Variants in MYH9 observed in about 807,000 individuals in gnomAD.
MYH9 encodes the protein myosin-9.
In MYH9, 29 loss-of-function variants were observed where a neutral mutation model predicts 241.9. That is an observed-to-expected ratio of 0.12 (90% CI 0.09 to 0.16). The LOEUF (loss-of-function observed/expected upper bound fraction) is 0.16, where lower values mean the gene tolerates loss of function less well. Among genes scored for constraint, MYH9 ranks in the 10% least tolerant of loss-of-function variants. The probability of loss-of-function intolerance (pLI) is 1.00; values close to 1 mark genes in which losing one functional copy is unlikely to be tolerated. For missense variants in MYH9, 1,803 were observed against 2,595.5 expected, an observed-to-expected ratio of 0.69 and a Z score of 6.63; for synonymous variants, 1,047 against 1,062.6, an observed-to-expected ratio of 0.99 and a Z score of 0.29.
At chr22:36,374,530 A>T (rs1411465116) in intron 1 of MYH9, among the ~76,000 whole-genome samples, 1 of 152,198 alleles carries the variant, frequency 6.6e-6, no homozygotes, top group Non-Finnish European at 1.5e-5. Context: ...AAATAATAAT[A>T]ATAAATAAAA....
At position 36,288,292 on chromosome 22, in the gene MYH9, T is replaced by C; in HGVS notation, c.4892A>G (p.Lys1631Arg). The C allele has an allele frequency of 1.2e-6, 2 of 1,614,172 alleles. No homozygotes were observed. The highest frequency in any genetic ancestry group is 1.7e-6 in the Non-Finnish European group (2 of 1,180,042). Residue 1631 changes from lysine (K) to arginine (R), a missense_variant, in exon 34 of 41, where the codon AAG becomes AGG. Lys to Arg is a conservative substitution (Grantham distance 26). This residue lies in a region of MYH9 where 876 missense variants were observed against 1,077.8 expected (regional missense o/e 0.81). Transcript: ENST00000216181. This position sits in a 1 kb window ranked among gnomAD's most constrained non-coding sequence, Gnocchi z 4.8. The part of the protein sequence containing the change: ...DLEAHIDSAN[K>R]NRDEAIKQLR... ...CTGTTTGATGGCTTCGTCCCGGTTC[T>C]TGTTGGCCGAGTCGATGTGCGCCTC...
chr22:36,384,599 AAAAAAAAAAAAAATATATATATAT>A (rs1337640223), intron 1 of MYH9, among the ~76,000 whole-genome samples: 4 of 45,142 alleles, frequency 8.9e-5, no homozygotes, highest in Non-Finnish European at 1.3e-4. Flanking sequence ...AAAAAAAAAA[AAAAAAAAAAAAAATATATATATAT>A]ATATATATAT....
chr22:36,380,739 T>C (rs2146427137), intron 1 of MYH9, among the ~76,000 whole-genome samples: 1 of 148,084 alleles, frequency 6.8e-6, no homozygotes, highest in East Asian at 2.0e-4. Context: ...AGACTCTGTC[T>C]CCAAAAAAAG....
At chr22:36,321,883 G>A (rs922416853) in intron 6 of MYH9, 62 bp from the exon 7 acceptor site, 26 of 1,426,754 alleles carry the variant, frequency 1.8e-5, no homozygotes, top group East Asian at 9.1e-5. Context: ...TAGAGAGCAC[G>A]GGGGAGACCA....
intron 1 of MYH9, among the ~76,000 whole-genome samples, chr22:36,380,337 G>A (rs2018237172): frequency 6.6e-6 from 1 of 152,204 alleles, no homozygotes; most frequent in Admixed American, 6.5e-5. Context: ...AAGAATTTGG[G>A]CTTTTCCAGT....
Position 36,348,854 on chromosome 22 carries a change from ACCT to A in MYH9, c.333+47_333+49del. The A allele has an allele frequency of 2.5e-5, 18 of 710,358 alleles. No homozygotes were observed. The African/African-American group carries it at 4.4e-4, about 17-fold the overall frequency. 44.0% of individuals were successfully genotyped at this position (710,358 alleles called of 1,614,324 possible). A position where few individuals can be genotyped will look rare whatever the true frequency, so the allele number is the denominator to read the frequency against. On this transcript the variant is annotated intron_variant, in intron 2 of 40. Transcript: ENST00000216181. ...ATGGGAAGACCCGCCCCCCCCCCCCACCTCGGAGCCCTCAGACCCAGCCTGCGG... is the reference window on the plus strand; with the variant it reads ...ATGGGAAGACCCGCCCCCCCCCCCCACGGAGCCCTCAGACCCAGCCTGCGG...
Position 36,320,333 on chromosome 22 carries a change from T to C in MYH9, c.899A>G (p.Tyr300Cys), listed in dbSNP as rs752627937. The part of the protein sequence containing the change: ...TDLLLEPYNK[Y>C]RFLSNGHVTI... ...GACGTGTCCATTGGACAGGAAGCGG[T>C]ATTTGTTGTACGGCTCCAACAGGAG... is the stretch of plus-strand genomic sequence containing the variant. The change falls in exon 9 of 41, where the codon TAC becomes TGC. Residue 300 changes from tyrosine to cysteine, a missense_variant. This residue lies in a region of MYH9 where 222 missense variants were observed against 359.9 expected (regional missense o/e 0.62). Transcript: ENST00000216181. This position sits in a 1 kb window ranked among gnomAD's most constrained non-coding sequence, Gnocchi z 4.8. The C allele has an allele frequency of 1.9e-6, 3 of 1,614,048 alleles. No individual in the cohort carries two copies. The highest frequency in any genetic ancestry group is 2.2e-5 in the South Asian group (2 of 91,078).
chr22:36,301,538 G>A lies in MYH9; in HGVS notation c.2627C>T (p.Ser876Phe). Residue 876 changes from serine to phenylalanine, a missense_variant, in exon 21 of 41, where the codon TCT becomes TTT. Physicochemically the swap from Ser to Phe is radical, Grantham distance 155. Coordinates refer to ENST00000216181, the MANE Select transcript of MYH9 (RefSeq NM_002473.6). ...TGAGCCTGCACTGACACCCACCTGAGACTGCAGCGTCTCCATCTCCGTGAG... is the reference window on the plus strand; with the variant it reads ...TGAGCCTGCACTGACACCCACCTGAAACTGCAGCGTCTCCATCTCCGTGAG... ...NRLTEMETLQ[S>F]QLMAEKLQLQ... 1 of 1,613,506 alleles carries A rather than the reference G, an allele frequency of 6.2e-7. No homozygotes were observed. The highest frequency in any genetic ancestry group is 1.7e-5 in the Admixed American group (1 of 60,026).
intron 1 of MYH9, among the ~76,000 whole-genome samples, chr22:36,351,620 G>A (rs2017766210): frequency 6.6e-6 from 1 of 152,092 alleles, no homozygotes; most frequent in African/African-American, 2.4e-5. Flanking sequence ...CTAGTCAACA[G>A]GCACCCCTAG....
chr22:36,387,321 G>C (rs2018369609), intron 1 of MYH9, among the ~76,000 whole-genome samples: 1 of 152,234 alleles, frequency 6.6e-6, no homozygotes, highest in Non-Finnish European at 1.5e-5. Flanking sequence ...CCCGCTGCCC[G>C]TTACCTCCGT....
At chr22:36,358,070 A>G (rs530010613) in intron 1 of MYH9, among the ~76,000 whole-genome samples, 87 of 152,222 alleles carry the variant, frequency 5.7e-4, no homozygotes, top group African/African-American at 2.0e-3. Flanking sequence ...AGCTGTTGAC[A>G]CAGCTGTGCC....
In MYH9 at chr22:36,320,724, T is replaced by C; in HGVS notation, c.868+74A>G. 1.5e-6 allele frequency: 2 copies of C among 1,297,278 alleles called. No homozygotes were observed. Among genetic ancestry groups the C allele is most frequent in the Admixed American group, 3.6e-5 (2 of 55,868 alleles). The allele number at this position is 1,297,278 out of a possible 1,614,324, so 80.4% of individuals were successfully genotyped here. ...CCAAAAGTTTTCATTTCCCAAATGA[T>C]GTCTACGGTCCAATTCTGGCAAGAG... is the stretch of plus-strand genomic sequence containing the variant. On this transcript the variant is annotated intron_variant, in intron 8 of 40. Transcript: ENST00000216181. This position sits in a 1 kb window ranked among gnomAD's most constrained non-coding sequence, Gnocchi z 4.8.
Position 36,294,950 on chromosome 22 carries a change from C to T in MYH9, c.3612G>A (p.Gln1204=), listed in dbSNP as rs1374518772. 3 of 1,613,722 alleles carry T rather than the reference C, an allele frequency of 1.9e-6. No homozygotes were observed. Among genetic ancestry groups the T allele is most frequent in the Non-Finnish European group, 2.5e-6 (3 of 1,180,046 alleles). ...TCCGCACCCGCTTCGTCTGCTCCAG[C>T]TGCTCCGCCAGCTCCTCCACGGCCT... The part of the protein sequence containing the change: ...HSQAVEELAE[Q]LEQTKRVKAN... The change falls in exon 27 of 41, where the codon CAG becomes CAA. Residue 1204 remains glutamine (Q), a synonymous_variant. Transcript: ENST00000216181.
At chr22:36,336,588 G>T (rs1399635016) in intron 3 of MYH9, among the ~76,000 whole-genome samples, 1 of 152,250 alleles carries the variant, frequency 6.6e-6, no homozygotes, top group Non-Finnish European at 1.5e-5. Context: ...GAAGACCCAG[G>T]AACGGCCATG....
chr22:36,325,428 C>T (rs1431952689), intron 5 of MYH9, among the ~76,000 whole-genome samples: 1 of 152,228 alleles, frequency 6.6e-6, no homozygotes, highest in African/African-American at 2.4e-5. Context: ...CCACCGGGAG[C>T]GGCCAAGCTC....
intron 40 of MYH9, 89 bp from the exon 41 acceptor site, chr22:36,282,874 G>T (rs1339232229): frequency 8.3e-7 from 1 of 1,199,158 alleles, no homozygotes; most frequent in South Asian, 1.4e-5. Context: ...AAGTGAATTC[G>T]AGAGGGAAAC....
chr22:36,318,267 G>A lies in MYH9; in HGVS notation c.1167C>T (p.Ile389=), dbSNP rs114048959. 7.0e-5 allele frequency: 113 copies of A among 1,613,852 alleles called. No homozygotes were observed. In the African/African-American group the frequency reaches 1.4e-3, roughly 20 times the overall value. ...GINVTDFTRG[I]LTPRIKVGRD... is the part of the protein sequence containing the mutation. ...GTCCCACCTTGATGCGCGGGGTGAGGATTCCTCTGGTGAAATCGGTCACAT... is the reference window on the plus strand; with the variant it reads ...GTCCCACCTTGATGCGCGGGGTGAGAATTCCTCTGGTGAAATCGGTCACAT... The change falls in exon 11 of 41, where the codon ATC becomes ATT. Residue 389 remains isoleucine (I), a synonymous_variant. Transcript: ENST00000216181.
rs574209435 is a variant in MYH9, at chr22:36,322,314, C to T, written c.705+115G>A. ...GTCCACACGACAGGCCAGATAGCAC[C>T]GAGTCTGAACCGTCCTCGGTTTTGA... On this transcript the variant is annotated intron_variant, in intron 6 of 40. Transcript: ENST00000216181. 16 of 1,163,446 alleles carry T rather than the reference C, an allele frequency of 1.4e-5. 1 individual carries two copies. In the East Asian group the frequency reaches 1.9e-4, roughly 14 times the overall value. The allele number at this position is 1,163,446 out of a possible 1,614,324, so 72.1% of individuals were successfully genotyped here. A position where few individuals can be genotyped will look rare whatever the true frequency, so the allele number is the denominator to read the frequency against.
At chr22:36,302,539 G>A (rs746596423) in intron 20 of MYH9, 29 bp downstream of exon 20, 1 of 1,576,818 alleles carries the variant, frequency 6.3e-7, no homozygotes, top group Non-Finnish European at 8.7e-7. Context: ...CGTAGTCCCA[G>A]CTACTCAGGA....
Sources: allele counts gnomAD v4.1 joint callset (sites outside exome capture counted in the v4.1 genomes callset), GRCh38; gene constraint gnomAD v4.1.1; regional missense constraint gnomAD v4.1.1; non-coding constraint Gnocchi (gnomAD v3.1); transcripts MANE v1.5; gene names NCBI Gene and HGNC (gene_info 2026-07-23, HGNC 2026-07-21).